Variants in VMP1 observed in about 807,000 individuals in gnomAD.
The protein encoded by VMP1 is vacuole membrane protein 1.
Under a neutral mutation model 56.0 loss-of-function variants are expected in VMP1, and 11 were observed. The observed-to-expected ratio is 0.20, with a 90% confidence interval of 0.12 to 0.32. The LOEUF (loss-of-function observed/expected upper bound fraction) is 0.32, where lower values mean the gene tolerates loss of function less well. VMP1 is among the 10% of genes least tolerant of loss of function. The probability of loss-of-function intolerance (pLI) is 1.00; values close to 1 mark genes in which losing one functional copy is unlikely to be tolerated. For missense variants in VMP1, 296 were observed against 490.3 expected, an observed-to-expected ratio of 0.60 and a Z score of 3.74; for synonymous variants, 149 against 165.0, an observed-to-expected ratio of 0.90 and a Z score of 0.74.
At chr17:59,839,725 A>T in intron 11 of VMP1, 43 bp from the exon 12 acceptor site, 1 of 1,577,738 alleles carries the variant, frequency 6.3e-7, no homozygotes, top group South Asian at 1.2e-5. Context: ...TACTGAACTA[A>T]TGAAGCCTTT....
intron 2 of VMP1, among the ~76,000 whole-genome samples, chr17:59,734,736 A>T (rs1359400342): frequency 6.6e-6 from 1 of 152,024 alleles, no homozygotes; most frequent in Non-Finnish European, 1.5e-5. Flanking sequence ...CCTGTCTCTT[A>T]AAAAAATAAA....
intron 4 of VMP1, 76 bp downstream of exon 4, chr17:59,737,619 T>C: frequency 7.6e-7 from 1 of 1,323,054 alleles, no homozygotes; most frequent in South Asian, 1.4e-5. Context: ...ATGGGATGAA[T>C]GTGGGTTTTA....
rs747790769 is a variant in VMP1 at position 59,731,513 on chromosome 17, A to G, written c.67A>G (p.Asn23Asp). Residue 23 changes from asparagine (N) to aspartate (D), a missense_variant, in exon 2 of 12, where the codon AAT becomes GAT. Coordinates refer to ENST00000262291, the MANE Select transcript of VMP1 (RefSeq NM_030938.5). The part of the protein sequence containing the change: ...VAMNKEHHNG[N>D]FTDPSSVNEK... ...AATGAACAAGGAACATCATAATGGA[A>G]ATTTCACAGGTAAATTTTGATGGTT... 3.2e-6 allele frequency: 5 copies of G among 1,581,252 alleles called. No individual in the cohort carries two copies. Among genetic ancestry groups the G allele is most frequent in the Non-Finnish European group, 3.4e-6 (4 of 1,168,054 alleles).
At chr17:59,839,560 G>T (rs1392554203) in intron 11 of VMP1, 2 of 587,640 alleles carry the variant, frequency 3.4e-6, no homozygotes, top group Non-Finnish European at 2.9e-6. Flanking sequence ...ATTCAACACT[G>T]ATTTTACATC....
Position 59,733,673 on chromosome 17 carries a change from C to G in VMP1, c.77-1665C>G, listed in dbSNP as rs144997483. 3.3e-5 allele frequency among the ~76,000 whole-genome samples: 5 copies of G among 152,130 alleles called. No homozygotes were observed. The East Asian group carries it at 9.7e-4, about 29-fold the overall frequency. On this transcript the variant is annotated intron_variant, in intron 2 of 11. Coordinates refer to ENST00000262291, the MANE Select transcript of VMP1 (RefSeq NM_030938.5). ...GCCAAAATCATGCTACCACTGCACC[C>G]CAGCCTGGGCAACAGAATGAGACCC...
chr17:59,788,063 A>C (rs1483472777), intron 7 of VMP1, among the ~76,000 whole-genome samples: 8 of 152,254 alleles, frequency 5.3e-5, no homozygotes, highest in Non-Finnish European at 1.5e-5. Context: ...TTTTGATGAC[A>C]AAGCAATTAT....
intron 7 of VMP1, among the ~76,000 whole-genome samples, chr17:59,799,071 A>T (rs1455055773): frequency 6.6e-6 from 1 of 152,172 alleles, no homozygotes. Flanking sequence ...AAATTTAGCT[A>T]GTTGCCAAAA....
intron 1 of VMP1, among the ~76,000 whole-genome samples, chr17:59,725,810 A>G (rs1172444048): frequency 6.6e-6 from 1 of 152,228 alleles, no homozygotes; most frequent in East Asian, 1.9e-4. Flanking sequence ...GGAGAAGGAA[A>G]TGTCAGTATG....
At chr17:59,802,618 T>G (rs992701637) in intron 7 of VMP1, among the ~76,000 whole-genome samples, 3 of 152,246 alleles carry the variant, frequency 2.0e-5, no homozygotes, top group Non-Finnish European at 4.4e-5. Flanking sequence ...CAGGCTGTAG[T>G]GCAGTGGCAC....
chr17:59,784,422 T>A (rs1386450317), intron 7 of VMP1, among the ~76,000 whole-genome samples: 1 of 152,020 alleles, frequency 6.6e-6, no homozygotes, highest in East Asian at 1.9e-4. Flanking sequence ...TACCCCTACC[T>A]CACCCCCTTC....
chr17:59,820,604 A>G (rs931638895), intron 10 of VMP1, among the ~76,000 whole-genome samples: 2 of 152,184 alleles, frequency 1.3e-5, no homozygotes, highest in African/African-American at 4.8e-5. Flanking sequence ...CTTCACAGCA[A>G]CGTATACTAC....
In VMP1 at chr17:59,801,148, G is replaced by GTGTA. The variant is rs1439842519; in HGVS notation, c.715-7647_715-7646insGTAT. Among the ~76,000 whole-genome samples, 750 of 136,312 alleles carry GTGTA rather than the reference G, an allele frequency of 5.5e-3. 13 individuals are homozygous for GTGTA. The highest frequency in any genetic ancestry group is 0.016 in the Middle Eastern group (4 of 256). The allele number at this position is 136,312 out of a possible 152,430, so 89.4% of individuals were successfully genotyped here. On this transcript the variant is annotated intron_variant, in intron 7 of 11. Transcript: ENST00000262291. ...TGTGTGTGTGTGTGTGTGTGTGTGT[G>GTGTA]TATGGCACATACAGTTATATATAGT... is the stretch of plus-strand genomic sequence containing the variant.
intron 11 of VMP1, 135 bp downstream of exon 11, chr17:59,838,532 G>C: frequency 1.2e-6 from 1 of 804,106 alleles, no homozygotes; most frequent in Admixed American, 2.2e-5. Context: ...TTGAGCGTCT[G>C]TGTATGCTCT....
chr17:59,784,140 T>TGAGAGAGA (rs548784981), intron 7 of VMP1, among the ~76,000 whole-genome samples: 2,216 of 134,054 alleles, frequency 0.017, 55 homozygotes, highest in African/African-American at 0.061. Context: ...TGTGTGTGTG[T>TGAGAGAGA]GTGAGAGAGA....
intron 6 of VMP1, among the ~76,000 whole-genome samples, chr17:59,769,708 A>T (rs1288219422): frequency 2.0e-5 from 3 of 152,144 alleles, no homozygotes; most frequent in African/African-American, 7.2e-5. Context: ...TTATTGCTTG[A>T]CTGTACATAC....
intron 5 of VMP1, among the ~76,000 whole-genome samples, chr17:59,743,574 C>CTA (rs1416514193): frequency 1.6e-4 from 24 of 148,254 alleles, no homozygotes; most frequent in African/African-American, 5.6e-4. Flanking sequence ...CTCTCTCTCT[C>CTA]TCTCTCTATA....
intron 4 of VMP1, among the ~76,000 whole-genome samples, chr17:59,738,059 C>A (rs1394339754): frequency 6.6e-6 from 1 of 152,012 alleles, no homozygotes; most frequent in Admixed American, 6.6e-5. Context: ...GGCCACTCTG[C>A]CTGTAATCAA....
chr17:59,818,942 A>C (rs1272160516), intron 10 of VMP1, among the ~76,000 whole-genome samples: 3 of 152,044 alleles, frequency 2.0e-5, no homozygotes, highest in African/African-American at 7.2e-5. Context: ...ATTTATGGAA[A>C]TTTTTGCTAT....
intron 10 of VMP1, among the ~76,000 whole-genome samples, chr17:59,837,280 A>G (rs2039013311): frequency 1.3e-5 from 2 of 152,164 alleles, no homozygotes; most frequent in East Asian, 1.9e-4. Flanking sequence ...TTGCAAGTAC[A>G]TATCGGAATC....
Sources: gnomAD v4.1 joint callset for allele counts (sites outside exome capture counted in the v4.1 genomes callset) on GRCh38, gnomAD v4.1.1 for gene constraint, MANE v1.5 for transcripts, NCBI Gene and HGNC (gene_info 2026-07-23, HGNC 2026-07-21) for gene names.